USP34: variants seen among roughly 807,000 people sequenced by gnomAD.
USP34 encodes the protein ubiquitin carboxyl-terminal hydrolase 34.
In USP34, 70 loss-of-function variants were observed where a neutral mutation model predicts 460.3. The ratio of observed to expected loss-of-function variants is 0.15; its 90% CI spans 0.13 to 0.19. The LOEUF (loss-of-function observed/expected upper bound fraction) is 0.19, where lower values mean the gene tolerates loss of function less well. Ranked by LOEUF, USP34 falls within the 10% of genes least tolerant of loss-of-function variation. The pLI is 1.00. For synonymous variants in USP34, 1,647 were observed against 1,405.3 expected (o/e 1.17, Z -3.85); for missense variants, 3,985 against 4,236.2 (o/e 0.94, Z 1.65).
At chr2:61,446,522 G>A (rs182864781) in intron 1 of USP34, among the ~76,000 whole-genome samples, 111 of 152,262 alleles carry the variant, frequency 7.3e-4, no homozygotes, top group African/African-American at 2.4e-3. Flanking sequence ...TAGGCTGGGC[G>A]TGGTAGCTCA....
At chr2:61,415,950 C>G (rs184542773) in intron 2 of USP34, among the ~76,000 whole-genome samples, 26 of 152,240 alleles carry the variant, frequency 1.7e-4, no homozygotes, top group African/African-American at 6.3e-4. Flanking sequence ...ACTAAGTAAA[C>G]ATTCATGAGG....
chr2:61,286,330 C>G (rs1689688255), intron 34 of USP34, among the ~76,000 whole-genome samples: 1 of 151,988 alleles, frequency 6.6e-6, no homozygotes, highest in African/African-American at 2.4e-5. Context: ...CATGCAAAAA[C>G]TATATAATAT....
At chr2:61,207,645 G>C (rs1208164683) in intron 70 of USP34, 1 of 151,992 alleles carries the variant, frequency 6.6e-6, no homozygotes, top group Admixed American at 6.6e-5. Context: ...TGGCACAGAG[G>C]TAGACATTTA....
chr2:61,198,575 A>G (rs905718943), intron 75 of USP34, among the ~76,000 whole-genome samples: 3 of 142,120 alleles, frequency 2.1e-5, no homozygotes, highest in Non-Finnish European at 3.0e-5. Flanking sequence ...TTTTTTTTTT[A>G]AGAGAGAGAA....
At chr2:61,294,035 A>G (rs978967392) in intron 32 of USP34, among the ~76,000 whole-genome samples, 2 of 150,476 alleles carry the variant, frequency 1.3e-5, no homozygotes, top group Non-Finnish European at 3.0e-5. Context: ...AAATAAAACA[A>G]ACAAGAATTT....
At chr2:61,398,488 G>T (rs117568028) in intron 3 of USP34, among the ~76,000 whole-genome samples, 3 of 119,392 alleles carry the variant, frequency 2.5e-5, no homozygotes, top group Admixed American at 8.9e-5. Context: ...AGGCGGAAGC[G>T]GGGGAAGGAG....
rs370952336 is a variant in USP34, at chr2:61,283,138, A to T, written c.4998+7T>A. On this transcript the variant is annotated splice_region_variant and intron_variant, in intron 37 of 79. Transcript: ENST00000398571. ...ATAACAGTACTAACCTTCAATCTTT[A>T]TCTTACCTCAGGAATAAGGAGAGTC... 6.2e-7 allele frequency: 1 copy of T among 1,612,478 alleles called. No homozygotes were observed. The highest frequency in any genetic ancestry group is 1.7e-5 in the Admixed American group (1 of 59,894).
intron 50 of USP34, among the ~76,000 whole-genome samples, chr2:61,246,102 CTG>C (rs1348786202): frequency 2.6e-5 from 4 of 152,168 alleles, no homozygotes; most frequent in African/African-American, 9.7e-5. Flanking sequence ...GTCTGCAAAA[CTG>C]TGTTCATTTC....
At chr2:61,191,661 A>G (rs1686647420) in intron 76 of USP34, among the ~76,000 whole-genome samples, 1 of 152,216 alleles carries the variant, frequency 6.6e-6, no homozygotes, top group Non-Finnish European at 1.5e-5. Context: ...ATTTGGGGGC[A>G]CAGTGAGTTC....
At chr2:61,311,491 AGAAAG>A (rs776481089) in intron 27 of USP34, 44 bp downstream of exon 27, 9 of 1,410,462 alleles carry the variant, frequency 6.4e-6, no homozygotes, top group South Asian at 1.4e-5. Flanking sequence ...AAAGAGAAAA[AGAAAG>A]AAAGAGAGAA....
chr2:61,252,996 T>C (rs1458067258), intron 48 of USP34, among the ~76,000 whole-genome samples: 1 of 152,192 alleles, frequency 6.6e-6, no homozygotes, highest in East Asian at 1.9e-4. Flanking sequence ...CAGTAGCATA[T>C]TAGTAAAAAA....
intron 12 of USP34, among the ~76,000 whole-genome samples, chr2:61,349,589 C>G (rs998426375): frequency 2.0e-4 from 30 of 152,046 alleles, no homozygotes; most frequent in Admixed American, 6.6e-5. Context: ...GCCTGTAACC[C>G]CAGCATTTTA....
chr2:61,235,794 A>T (rs776734452), intron 57 of USP34, 51 bp downstream of exon 57: 4 of 1,200,316 alleles, frequency 3.3e-6, no homozygotes, highest in Non-Finnish European at 4.5e-6. Context: ...AGAGGGGGGG[A>T]AAAAAAAAAG....
chr2:61,458,655 G>A (rs1159781947), intron 1 of USP34, among the ~76,000 whole-genome samples: 1 of 150,806 alleles, frequency 6.6e-6, no homozygotes, highest in Non-Finnish European at 1.5e-5. Context: ...AGAGAACAAG[G>A]GAATGAAGCT....
In USP34 at chr2:61,189,037, T is replaced by C; in HGVS notation, c.9906A>G (p.Val3302=). The C allele has an allele frequency of 6.2e-7, 1 of 1,614,148 alleles. No individual in the cohort carries two copies. Residue 3302 remains valine, a synonymous_variant, in exon 79 of 80, where the codon GTA becomes GTG. Transcript: ENST00000398571. ...DLRALALLLS[V]HTPKQLNPAL... is the part of the protein sequence containing the mutation. The stretch of plus-strand genomic sequence containing the variant: ...CTGGGTTTAACTGTTTGGGAGTGTG[T>C]ACTGACAGGAGCAAAGCGAGTGCCC...
chr2:61,366,264 T>G (rs890260931), intron 10 of USP34, among the ~76,000 whole-genome samples: 1 of 152,180 alleles, frequency 6.6e-6, no homozygotes, highest in South Asian at 2.1e-4. Flanking sequence ...AAGAAAGTTG[T>G]AGCTCAGAGT....
intron 69 of USP34, 61 bp downstream of exon 69, chr2:61,211,711 C>A: frequency 6.9e-7 from 1 of 1,443,776 alleles, no homozygotes; most frequent in South Asian, 1.5e-5. Flanking sequence ...CTTTAAACAT[C>A]AAAAGGATGG....
chr2:61,384,964 C>A (rs1490922286), intron 5 of USP34, among the ~76,000 whole-genome samples: 2 of 151,492 alleles, frequency 1.3e-5, no homozygotes, highest in Admixed American at 6.6e-5. Context: ...ATTAGGAAAC[C>A]CAAAATAATT....
chr2:61,228,930 C>T lies in USP34; in HGVS notation c.7265G>A (p.Arg2422Lys). The T allele has an allele frequency of 3.7e-6, 6 of 1,610,456 alleles. No homozygotes were observed. Among genetic ancestry groups the T allele is most frequent in the Admixed American group, 1.7e-5 (1 of 59,450 alleles). Residue 2422 changes from arginine to lysine, a missense_variant, in exon 60 of 80, where the codon AGA becomes AAA. Coordinates refer to ENST00000398571, the MANE Select transcript of USP34 (RefSeq NM_014709.4). ...ATGTTCCATAATTAATAACAGGGTT[C>T]TCACAAAGCGAGTGACACATGAACG... ...GGRSCVTRFV[R>K]TLLLIMEHGV...
Sources: gnomAD v4.1 joint callset for allele counts (sites outside exome capture counted in the v4.1 genomes callset) on GRCh38, gnomAD v4.1.1 for gene constraint, MANE v1.5 for transcripts, NCBI Gene and HGNC (gene_info 2026-07-23, HGNC 2026-07-21) for gene names.